IQSEC1: variants seen among roughly 807,000 people sequenced by gnomAD.
IQSEC1 encodes IQ motif and SEC7 domain-containing protein 1.
In IQSEC1, 31 loss-of-function variants were observed where a neutral mutation model predicts 91.0. The observed-to-expected ratio is 0.34, with a 90% confidence interval of 0.26 to 0.46. The LOEUF (loss-of-function observed/expected upper bound fraction) is 0.46, where lower values mean the gene tolerates loss of function less well. Ranked by LOEUF, IQSEC1 falls within the 20% of genes least tolerant of loss-of-function variation. The probability of loss-of-function intolerance (pLI) is 1.00; values close to 1 mark genes in which losing one functional copy is unlikely to be tolerated. For missense variants in IQSEC1, 1,388 were observed against 1,575.6 expected, an observed-to-expected ratio of 0.88 and a Z score of 2.02; for synonymous variants, 699 against 662.6, an observed-to-expected ratio of 1.05 and a Z score of -0.84.
At chr3:12,912,641 C>T (rs925068306) in intron 9 of IQSEC1, among the ~76,000 whole-genome samples, 6 of 146,330 alleles carry the variant, frequency 4.1e-5, no homozygotes, top group African/African-American at 1.3e-4. Flanking sequence ...TCCGCAGTCC[C>T]GCCTGGGCGA....
chr3:13,238,074 G>C (rs916037740), intron 1 of IQSEC1, among the ~76,000 whole-genome samples: 27 of 152,216 alleles, frequency 1.8e-4, no homozygotes, highest in Admixed American at 1.5e-3. Flanking sequence ...CACAACGCAT[G>C]GTCGGGCAGG....
chr3:13,112,727 C>T (rs781625036), intron 2 of IQSEC1, among the ~76,000 whole-genome samples: 6 of 152,164 alleles, frequency 3.9e-5, no homozygotes, highest in Non-Finnish European at 8.8e-5. Flanking sequence ...GGTACGGGGG[C>T]GAGCAGGCCC....
At chr3:12,997,468 T>C (rs188752720) in intron 1 of IQSEC1, among the ~76,000 whole-genome samples, 12 of 152,366 alleles carry the variant, frequency 7.9e-5, no homozygotes, top group African/African-American at 2.6e-4. Flanking sequence ...CTTCTTGACA[T>C]GTCTTTATAT....
At position 13,105,069 on chromosome 3, in the gene IQSEC1, G is replaced by A. The variant is rs145459744; in HGVS notation, c.303-57547C>T. 5.8e-3 allele frequency among the ~76,000 whole-genome samples: 878 copies of A among 152,232 alleles called. 9 individuals are homozygous for A. Among genetic ancestry groups the A allele is most frequent in the African/African-American group, 0.019 (808 of 41,550 alleles). ...TGCTGCAGGCCAGGGGCAGTCTGTC[G>A]GCTGCTAGTTTGTGACTTCTGCCCT... On this transcript the variant is annotated intron_variant, in intron 2 of 15. Coordinates refer to the IQSEC1 transcript ENST00000648114.
intron 1 of IQSEC1, among the ~76,000 whole-genome samples, chr3:13,037,910 G>T (rs539893774): frequency 5.3e-5 from 8 of 152,120 alleles, no homozygotes; most frequent in African/African-American, 9.6e-5. Context: ...GGATAAAAAA[G>T]TTCTGGAGAT....
intron 2 of IQSEC1, among the ~76,000 whole-genome samples, chr3:13,081,106 A>T (rs1305777784): frequency 6.6e-6 from 1 of 152,264 alleles, no homozygotes; most frequent in African/African-American, 2.4e-5. Context: ...TGCGTAAAAA[A>T]AAGCAGCTTA....
chr3:13,149,468 T>A (rs1706954280), intron 2 of IQSEC1, among the ~76,000 whole-genome samples: 2 of 150,910 alleles, frequency 1.3e-5, no homozygotes, highest in Non-Finnish European at 3.0e-5. Context: ...AGGACCAAAT[T>A]CCCCCGAAGA....
chr3:13,112,810 G>A (rs1280410116), intron 2 of IQSEC1, among the ~76,000 whole-genome samples: 1 of 152,232 alleles, frequency 6.6e-6, no homozygotes, highest in Non-Finnish European at 1.5e-5. Context: ...ACACGGAGGA[G>A]GAAGCCTGAA....
chr3:12,915,457 C>A (rs1440096372), intron 7 of IQSEC1, 137 bp downstream of exon 7: 2 of 921,912 alleles, frequency 2.2e-6, no homozygotes, highest in Non-Finnish European at 3.3e-6. Flanking sequence ...CTCGAAAAAA[C>A]CCCAAGCCCT....
chr3:13,113,830 G>A (rs1181564666), intron 2 of IQSEC1, among the ~76,000 whole-genome samples: 1 of 152,236 alleles, frequency 6.6e-6, no homozygotes, highest in East Asian at 1.9e-4. Flanking sequence ...CGTGTGCCTA[G>A]CTGTTGGTGA....
chr3:13,134,204 T>C (rs1490285463), intron 2 of IQSEC1, among the ~76,000 whole-genome samples: 1 of 152,096 alleles, frequency 6.6e-6, no homozygotes, highest in Non-Finnish European at 1.5e-5. Flanking sequence ...CAGTTGCCCC[T>C]CGTCAGGGCT....
intron 1 of IQSEC1, among the ~76,000 whole-genome samples, chr3:12,964,641 G>A (rs1700447569): frequency 6.6e-6 from 1 of 152,168 alleles, no homozygotes; most frequent in Non-Finnish European, 1.5e-5. Flanking sequence ...GGGGAAACAG[G>A]CTTGGAGGGG....
At chr3:13,266,618 C>G (rs1372918029) in intron 1 of IQSEC1, among the ~76,000 whole-genome samples, 3 of 150,932 alleles carry the variant, frequency 2.0e-5, no homozygotes, top group African/African-American at 7.3e-5. Context: ...CAAAGGAGAA[C>G]TATTCAGGGA....
rs1698135294 is a variant in IQSEC1, at chr3:12,935,876, G to T, written c.1140C>A (p.Asp380Glu). 6.2e-7 allele frequency: 1 copy of T among 1,606,090 alleles called. No individual in the cohort carries two copies. The highest frequency in any genetic ancestry group is 8.5e-7 in the Non-Finnish European group (1 of 1,179,848). Residue 380 changes from aspartate (D) to glutamate (E), a missense_variant, in exon 3 of 14, where the codon GAC becomes GAA. This residue lies in a region of IQSEC1 where 1,059 missense variants were observed against 1,317.8 expected (regional missense o/e 0.80). Coordinates refer to ENST00000613206, the MANE Select transcript of IQSEC1 (RefSeq NM_001134382.3). This position sits in a 1 kb window ranked among gnomAD's most constrained non-coding sequence, Gnocchi z 8.0. ...PPSDSSVDLS[D>E]RSERGSLKRQ... ...TCTTGAGTGACCCCCGCTCCGAGCG[G>T]TCACTAAGGTCCACAGAGCTGTCGC...
rs1704753356 is a variant in IQSEC1, at chr3:13,053,192, A to C, written c.23+19800T>G. 4.2e-6 allele frequency: 3 copies of C among 709,034 alleles called. No individual in the cohort carries two copies. In the South Asian group the frequency reaches 4.4e-5, roughly 10 times the overall value. The allele number at this position is 709,034 out of a possible 1,614,324, so 43.9% of individuals were successfully genotyped here. On this transcript the variant is annotated intron_variant, in intron 1 of 13. Coordinates refer to ENST00000613206, the MANE Select transcript of IQSEC1 (RefSeq NM_001134382.3). ...AAGAGAGGGGACTGGCTGTGGTTTT[A>C]ACCTTGTTTCCCTGTTGGGGATGCT...
At position 13,193,920 on chromosome 3, in the gene IQSEC1, C is replaced by T. The variant is rs965153318; in HGVS notation, c.273-29787G>A. ...TTCGGCCACAGACCAAGCTTGGTTT[C>T]CTCACAGCTCTGGAGCCTGGAATTC... On this transcript the variant is annotated intron_variant, in intron 1 of 15. Coordinates refer to the IQSEC1 transcript ENST00000648114. The surrounding 1 kb of genome is among the most constrained non-coding windows in gnomAD (Gnocchi z 4.2). 1.3e-5 allele frequency among the ~76,000 whole-genome samples: 2 copies of T among 152,202 alleles called. No homozygotes were observed. Among genetic ancestry groups the T allele is most frequent in the Non-Finnish European group, 1.5e-5 (1 of 68,032 alleles).
intron 1 of IQSEC1, among the ~76,000 whole-genome samples, chr3:13,261,984 G>A (rs1014386295): frequency 1.3e-5 from 2 of 152,210 alleles, no homozygotes; most frequent in African/African-American, 4.8e-5. Flanking sequence ...GGGAAAATAG[G>A]CAGCTCCTGT....
intron 3 of IQSEC1, among the ~76,000 whole-genome samples, chr3:12,933,760 A>G (rs1697917401): frequency 6.6e-6 from 1 of 152,268 alleles, no homozygotes; most frequent in Non-Finnish European, 1.5e-5. Flanking sequence ...CACAGGAAAA[A>G]AATCTGGAAG....
chr3:13,166,678 G>A (rs774828215), intron 1 of IQSEC1, among the ~76,000 whole-genome samples: 4 of 152,220 alleles, frequency 2.6e-5, no homozygotes, highest in Non-Finnish European at 4.4e-5. Context: ...CCACCTACCC[G>A]AGGTGTGGTT....
Sources: allele counts gnomAD v4.1 joint callset (sites outside exome capture counted in the v4.1 genomes callset), GRCh38; gene constraint gnomAD v4.1.1; regional missense constraint gnomAD v4.1.1; non-coding constraint Gnocchi (gnomAD v3.1); transcripts MANE v1.5; gene names NCBI Gene and HGNC (gene_info 2026-07-23, HGNC 2026-07-21).